Variants in AGK observed in about 807,000 individuals in gnomAD.
AGK encodes acylglycerol kinase, mitochondrial.
In AGK, 52 loss-of-function variants were observed where a neutral mutation model predicts 66.4. The ratio of observed to expected loss-of-function variants is 0.78; its 90% CI spans 0.63 to 0.99. The LOEUF (loss-of-function observed/expected upper bound fraction) is 0.99. AGK is among the 50% of genes least tolerant of loss of function. The pLI, the probability that AGK is intolerant of heterozygous loss-of-function variation, is 0.00. For synonymous variants in AGK, 182 were observed against 181.1 expected, an observed-to-expected ratio of 1.00 and a Z score of -0.04; for missense variants, 451 against 506.6, an observed-to-expected ratio of 0.89 and a Z score of 1.05.
intron 14 of AGK, among the ~76,000 whole-genome samples, chr7:141,650,021 G>A (rs555841365): frequency 7.0e-4 from 106 of 152,228 alleles, no homozygotes; most frequent in Non-Finnish European, 1.4e-3. Context: ...GGGCATCTGA[G>A]GAGCTGGTGT....
intron 2 of AGK, among the ~76,000 whole-genome samples, chr7:141,580,401 G>A (rs1562963665): frequency 6.6e-6 from 1 of 151,948 alleles, no homozygotes; most frequent in African/African-American, 2.4e-5. Flanking sequence ...GAACAGGAAA[G>A]AAGGAAATAT....
At chr7:141,552,584 C>T (rs1454682536) in intron 1 of AGK, among the ~76,000 whole-genome samples, 1 of 152,184 alleles carries the variant, frequency 6.6e-6, no homozygotes, top group Admixed American at 6.5e-5. Context: ...TCTAGACACT[C>T]CAATTTTTAC....
At chr7:141,628,146 C>T (rs557518240) in intron 9 of AGK, among the ~76,000 whole-genome samples, 3 of 152,346 alleles carry the variant, frequency 2.0e-5, no homozygotes, top group Admixed American at 1.3e-4. Flanking sequence ...TCTCAAAGTG[C>T]TGGGATTACA....
chr7:141,636,037 T>C (rs1236804044), intron 10 of AGK, among the ~76,000 whole-genome samples: 1 of 152,240 alleles, frequency 6.6e-6, no homozygotes, highest in South Asian at 2.1e-4. Context: ...AAGAGAAGAA[T>C]CTATTTTATG....
chr7:141,634,057 A>C, intron 10 of AGK, 77 bp downstream of exon 10: 2 of 1,230,366 alleles, frequency 1.6e-6, no homozygotes, highest in Non-Finnish European at 2.4e-6. Context: ...GTTTTAATTC[A>C]CAGTGATCTT....
At chr7:141,642,997 A>G (rs1797323090) in intron 13 of AGK, among the ~76,000 whole-genome samples, 1 of 152,234 alleles carries the variant, frequency 6.6e-6, no homozygotes, top group South Asian at 2.1e-4. Context: ...AATTACATTC[A>G]GCTTGTATGC....
intron 8 of AGK, among the ~76,000 whole-genome samples, chr7:141,618,981 G>C (rs1272220076): frequency 6.6e-6 from 1 of 152,002 alleles, no homozygotes; most frequent in African/African-American, 2.4e-5. Flanking sequence ...AATACATATG[G>C]ATAAATCTAA....
intron 8 of AGK, among the ~76,000 whole-genome samples, chr7:141,619,979 C>T (rs1438873858): frequency 6.6e-6 from 1 of 152,168 alleles, no homozygotes; most frequent in Non-Finnish European, 1.5e-5. Flanking sequence ...AATTCCAGTA[C>T]ATCCATACAA....
intron 2 of AGK, among the ~76,000 whole-genome samples, chr7:141,574,984 C>T (rs928770253): frequency 6.6e-6 from 1 of 152,114 alleles, no homozygotes; most frequent in East Asian, 1.9e-4. Context: ...GCAGACGTGG[C>T]GTTTTGGCTA....
rs1796030919 is a variant in AGK, at chr7:141,588,101, T to C, written c.102-5045T>C. Among the ~76,000 whole-genome samples, 7 of 152,268 alleles carry C rather than the reference T, an allele frequency of 4.6e-5. No homozygotes were observed. The South Asian group carries it at 1.5e-3, about 32-fold the overall frequency. On this transcript the variant is annotated intron_variant, in intron 2 of 15. Coordinates refer to ENST00000649286, the MANE Select transcript of AGK (RefSeq NM_018238.4). ...ATATTATGTGAGTGTGAATATAAAT[T>C]GAAAAATTTAAATTAGATGAGACTA...
intron 2 of AGK, among the ~76,000 whole-genome samples, chr7:141,577,462 AGGGTC>A (rs1795770325): frequency 1.3e-5 from 2 of 152,364 alleles, no homozygotes; most frequent in South Asian, 4.1e-4. Context: ...AGCTAAAGAC[AGGGTC>A]CTTGTCATGT....
chr7:141,576,434 G>A (rs1562962419), intron 2 of AGK, among the ~76,000 whole-genome samples: 1 of 151,736 alleles, frequency 6.6e-6, no homozygotes, highest in African/African-American at 2.4e-5. Flanking sequence ...ACCAGCCAGA[G>A]TGGCAGGGTG....
intron 6 of AGK, among the ~76,000 whole-genome samples, chr7:141,612,801 A>G (rs1375768812): frequency 6.6e-6 from 1 of 152,212 alleles, no homozygotes; most frequent in Admixed American, 6.5e-5. Flanking sequence ...TTCTAGCAGC[A>G]GAGTAGTGCA....
chr7:141,555,410 G>C lies in AGK; in HGVS notation c.-14-43G>C. ...AATAGGGACATTACATGAAGACCAT[G>C]GATAAATTATATTTTTTTCTCTTTC... On this transcript the variant is annotated intron_variant, in intron 1 of 15. Transcript: ENST00000649286. This position sits in a 1 kb window ranked among gnomAD's most constrained non-coding sequence, Gnocchi z 4.2. 7 of 1,361,716 alleles carry C rather than the reference G, an allele frequency of 5.1e-6. No homozygotes were observed. The highest frequency in any genetic ancestry group is 7.3e-6 in the Non-Finnish European group (7 of 962,402). 84.4% of individuals were successfully genotyped at this position (1,361,716 alleles called of 1,614,324 possible).
In AGK at chr7:141,592,171, A is replaced by G. The variant is rs372852738; in HGVS notation, c.102-975A>G. ...AAATTACCACAAATTTAGTGGTTCAACACACCACAAATTTCTTGTCTTGCA... is the reference window on the plus strand; with the variant it reads ...AAATTACCACAAATTTAGTGGTTCAGCACACCACAAATTTCTTGTCTTGCA... On this transcript the variant is annotated intron_variant, in intron 2 of 15. Coordinates refer to ENST00000649286, the MANE Select transcript of AGK (RefSeq NM_018238.4). Among the ~76,000 whole-genome samples the G allele has an allele frequency of 1.8e-4, 27 of 152,330 alleles. 1 individual carries two copies. Among genetic ancestry groups the G allele is most frequent in the African/African-American group, 6.0e-4 (25 of 41,582 alleles).
At chr7:141,570,745 T>C (rs1795587109) in intron 2 of AGK, among the ~76,000 whole-genome samples, 1 of 152,034 alleles carries the variant, frequency 6.6e-6, no homozygotes, top group African/African-American at 2.4e-5. Context: ...AAAATCACAC[T>C]GTCAATGTGA....
chr7:141,617,398 C>T (rs1315744911), intron 8 of AGK, among the ~76,000 whole-genome samples: 2 of 152,144 alleles, frequency 1.3e-5, no homozygotes, highest in Non-Finnish European at 2.9e-5. Context: ...ATTTATAAAA[C>T]TTAATTTATA....
At chr7:141,582,681 G>A (rs1795905902) in intron 2 of AGK, among the ~76,000 whole-genome samples, 1 of 151,922 alleles carries the variant, frequency 6.6e-6, no homozygotes, top group South Asian at 2.1e-4. Context: ...TAAATAAAAA[G>A]GAGCATTAAC....
chr7:141,578,522 G>A (rs1438424521), intron 2 of AGK, among the ~76,000 whole-genome samples: 2 of 151,696 alleles, frequency 1.3e-5, no homozygotes, highest in East Asian at 1.9e-4. Context: ...AAATAGTATC[G>A]AAGTGTTGGG....
Sources: allele counts gnomAD v4.1 joint callset (sites outside exome capture counted in the v4.1 genomes callset), GRCh38; gene constraint gnomAD v4.1.1; non-coding constraint Gnocchi (gnomAD v3.1); transcripts MANE v1.5; gene names NCBI Gene and HGNC (gene_info 2026-07-23, HGNC 2026-07-21).